Variants in TMC1 observed in about 807,000 individuals in gnomAD.
The protein encoded by TMC1 is transmembrane channel-like protein 1.
TMC1 carries 84 observed loss-of-function variants against 105.8 expected under a neutral mutation model. The ratio of observed to expected loss-of-function variants is 0.79; its 90% CI spans 0.67 to 0.95. TMC1 has a LOEUF of 0.95. Among genes scored for constraint, TMC1 ranks in the 40% least tolerant of loss-of-function variants. The pLI is 0.00. For missense variants in TMC1, 817 were observed against 914.1 expected (o/e 0.89, Z 1.37); for synonymous variants, 315 against 311.5 (o/e 1.01, Z -0.12).
intron 23 of TMC1, among the ~76,000 whole-genome samples, chr9:72,833,890 C>A (rs1829079229): frequency 6.6e-6 from 1 of 152,068 alleles, no homozygotes; most frequent in Admixed American, 6.6e-5. Context: ...GTCTCCTTAT[C>A]TGCATGTTCA....
At chr9:72,649,140 A>G (rs1312512622) in intron 5 of TMC1, among the ~76,000 whole-genome samples, 1 of 152,218 alleles carries the variant, frequency 6.6e-6, no homozygotes, top group African/African-American at 2.4e-5. Context: ...AGGAGACATC[A>G]AACCCTATTG....
At chr9:72,650,548 T>C (rs975430510) in intron 5 of TMC1, among the ~76,000 whole-genome samples, 1 of 151,980 alleles carries the variant, frequency 6.6e-6, no homozygotes, top group East Asian at 1.9e-4. Context: ...GTTTGTTACA[T>C]AGGTAAACAT....
At chr9:72,791,034 T>A (rs1475618296) in intron 15 of TMC1, among the ~76,000 whole-genome samples, 1 of 152,188 alleles carries the variant, frequency 6.6e-6, no homozygotes, top group Non-Finnish European at 1.5e-5. Flanking sequence ...TCACCAGAGT[T>A]ACCTAAAATC....
chr9:72,662,616 A>T (rs1218109036), intron 5 of TMC1, among the ~76,000 whole-genome samples: 1 of 152,182 alleles, frequency 6.6e-6, no homozygotes, highest in Non-Finnish European at 1.5e-5. Context: ...GATGTTTAAT[A>T]GCATTTAAAG....
chr9:72,644,487 T>G (rs1825677476), intron 4 of TMC1, among the ~76,000 whole-genome samples: 1 of 152,140 alleles, frequency 6.6e-6, no homozygotes, highest in South Asian at 2.1e-4. Flanking sequence ...GAAAACTGAT[T>G]GTTCCAGCAC....
intron 13 of TMC1, among the ~76,000 whole-genome samples, chr9:72,779,994 A>G (rs992341847): frequency 2.0e-5 from 3 of 152,182 alleles, no homozygotes; most frequent in African/African-American, 4.8e-5. Flanking sequence ...AAAAGAAAAA[A>G]TATTAAAGGC....
At chr9:72,725,883 G>C (rs554015233) in intron 8 of TMC1, among the ~76,000 whole-genome samples, 2 of 152,086 alleles carry the variant, frequency 1.3e-5, no homozygotes, top group Admixed American at 6.5e-5. Context: ...GTAGAGACAG[G>C]GTTTCACTGT....
At chr9:72,786,416 C>A (rs574264648) in intron 13 of TMC1, among the ~76,000 whole-genome samples, 35 of 152,130 alleles carry the variant, frequency 2.3e-4, no homozygotes, top group African/African-American at 6.5e-4. Flanking sequence ...TGCACTCTAG[C>A]CTGGGCGACA....
chr9:72,805,152 CAGTA>C (rs1828549934), intron 17 of TMC1: 2 of 391,624 alleles, frequency 5.1e-6, no homozygotes, highest in African/African-American at 2.1e-5. Flanking sequence ...TGAAATTTCT[CAGTA>C]AGAAGAAAAC....
chr9:72,813,576 G>A (rs1828737785), intron 18 of TMC1, among the ~76,000 whole-genome samples: 1 of 152,176 alleles, frequency 6.6e-6, no homozygotes, highest in African/African-American at 2.4e-5. Flanking sequence ...GCTTTTGCAA[G>A]CCATGGTGTC....
intron 8 of TMC1, among the ~76,000 whole-genome samples, chr9:72,723,792 C>T (rs1001918420): frequency 5.3e-5 from 8 of 152,200 alleles, no homozygotes; most frequent in Admixed American, 2.0e-4. Flanking sequence ...CTTTACTTGT[C>T]TGTTTCGTGA....
chr9:72,576,585 G>A (rs1193590335), intron 1 of TMC1, among the ~76,000 whole-genome samples: 4 of 148,092 alleles, frequency 2.7e-5, no homozygotes, highest in Admixed American at 2.0e-4. Context: ...GGCTTGATGG[G>A]TTTTGACCAG....
intron 1 of TMC1, among the ~76,000 whole-genome samples, chr9:72,524,259 T>C (rs1823364745): frequency 6.6e-6 from 1 of 152,204 alleles, no homozygotes; most frequent in South Asian, 2.1e-4. Context: ...AATTTGTGCC[T>C]TTATTCTGCC....
At chr9:72,563,211 T>C (rs1824088843) in intron 1 of TMC1, among the ~76,000 whole-genome samples, 1 of 151,986 alleles carries the variant, frequency 6.6e-6, no homozygotes, top group Non-Finnish European at 1.5e-5. Flanking sequence ...TGCAGGAAGA[T>C]TAGGAAGTAG....
intron 23 of TMC1, among the ~76,000 whole-genome samples, chr9:72,833,928 G>T (rs1230375304): frequency 6.6e-6 from 1 of 151,714 alleles, no homozygotes; most frequent in Admixed American, 6.6e-5. Flanking sequence ...ATCTTGCATG[G>T]ATCTATTTTT....
intron 1 of TMC1, among the ~76,000 whole-genome samples, chr9:72,556,217 A>AG (rs1823938585): frequency 1.3e-5 from 2 of 151,250 alleles, no homozygotes; most frequent in African/African-American, 4.9e-5. Context: ...TCTGGGTTCA[A>AG]GGGATTCTCC....
At chr9:72,577,311 T>A (rs764226504) in intron 1 of TMC1, among the ~76,000 whole-genome samples, 1 of 152,210 alleles carries the variant, frequency 6.6e-6, no homozygotes. Flanking sequence ...TAGGAAAAGC[T>A]GACACATCTG....
intron 10 of TMC1, 147 bp from the exon 11 acceptor site, chr9:72,751,703 G>C (rs1827582391): frequency 1.6e-6 from 1 of 642,268 alleles, no homozygotes; most frequent in African/African-American, 1.8e-5. Flanking sequence ...CCTGAATAGA[G>C]AGAAAAGAAT....
At chr9:72,532,947 G>A (rs1259266408) in intron 1 of TMC1, among the ~76,000 whole-genome samples, 1 of 152,210 alleles carries the variant, frequency 6.6e-6, no homozygotes, top group Non-Finnish European at 1.5e-5. Flanking sequence ...CCAGGCTCAG[G>A]CTACTTGGAG....
Sources: allele counts gnomAD v4.1 joint callset (sites outside exome capture counted in the v4.1 genomes callset), GRCh38; gene constraint gnomAD v4.1.1; transcripts MANE v1.5; gene names NCBI Gene and HGNC (gene_info 2026-07-23, HGNC 2026-07-21).